The following DENND4C variants were observed in gnomAD, a reference collection of about 807,000 sequenced individuals.
The protein encoded by DENND4C is DENN domain-containing protein 4C.
Under a neutral mutation model 203.0 loss-of-function variants are expected in DENND4C, and 108 were observed. The observed-to-expected ratio is 0.53, with a 90% CI of 0.46 to 0.62. DENND4C has a LOEUF of 0.62. DENND4C is among the 20% of genes least tolerant of loss of function. The pLI, the probability that DENND4C is intolerant of heterozygous loss-of-function variation, is 0.00. For missense variants in DENND4C, 2,481 were observed against 2,301.2 expected (o/e 1.08, Z -1.60); for synonymous variants, 871 against 792.4 (o/e 1.10, Z -1.67).
rs112683111 is a variant in DENND4C at position 19,374,235 on chromosome 9, A to G, written c.*2062A>G. Among the ~76,000 whole-genome samples, 28 of 152,174 alleles carry G rather than the reference A, an allele frequency of 1.8e-4. No homozygotes were observed. Among genetic ancestry groups the G allele is most frequent in the African/African-American group, 6.0e-4 (25 of 41,494 alleles). On this transcript the variant is annotated 3_prime_UTR_variant, in exon 33 of 33. Coordinates refer to ENST00000434457, the MANE Select transcript of DENND4C (RefSeq NM_001330640.2). Reference sequence around the variant, plus strand: ...CTTGAACTCAAGTTTTCACTTACTGACGCGCTTCCCATTAAAAAAAATCTG... The same window carrying G: ...CTTGAACTCAAGTTTTCACTTACTGGCGCGCTTCCCATTAAAAAAAATCTG...
intron 1 of DENND4C, among the ~76,000 whole-genome samples, chr9:19,260,172 G>A (rs1056835469): frequency 2.6e-5 from 4 of 152,122 alleles, no homozygotes; most frequent in African/African-American, 9.7e-5. Flanking sequence ...GGTGTGAGAT[G>A]ATATCTCATT....
chr9:19,235,461 C>T (rs1821697041), intron 1 of DENND4C, among the ~76,000 whole-genome samples: 1 of 152,146 alleles, frequency 6.6e-6, no homozygotes, highest in South Asian at 2.1e-4. Context: ...TGTACATTAA[C>T]TTATGATATA....
At chr9:19,321,421 C>G (rs539899263) in intron 12 of DENND4C, among the ~76,000 whole-genome samples, 2 of 151,356 alleles carry the variant, frequency 1.3e-5, no homozygotes, top group South Asian at 4.2e-4. Context: ...TGGCCATGCC[C>G]TTTATAAGAA....
chr9:19,234,145 A>G (rs761136553), intron 1 of DENND4C, among the ~76,000 whole-genome samples: 3 of 152,240 alleles, frequency 2.0e-5, no homozygotes, highest in Non-Finnish European at 4.4e-5. Context: ...TAATAGTCCA[A>G]AGTTTTATTT....
intron 4 of DENND4C, among the ~76,000 whole-genome samples, chr9:19,289,169 A>ATG (rs2131138530): frequency 6.6e-6 from 1 of 152,348 alleles, no homozygotes; most frequent in Admixed American, 6.5e-5. Flanking sequence ...CTTTTCTGCC[A>ATG]TGAAGTGTTT....
At chr9:19,357,246 C>A in intron 27 of DENND4C, 92 bp downstream of exon 27, 2 of 1,262,298 alleles carry the variant, frequency 1.6e-6, no homozygotes, top group Non-Finnish European at 2.3e-6. Context: ...CTCATATAGG[C>A]ATAAGTTCTG....
At chr9:19,330,154 A>C (rs1164710648) in intron 16 of DENND4C, among the ~76,000 whole-genome samples, 1 of 152,116 alleles carries the variant, frequency 6.6e-6, no homozygotes, top group Non-Finnish European at 1.5e-5. Context: ...AAATTTCTAA[A>C]ACGAGAAAAT....
Position 19,276,404 on chromosome 9 carries a change from A to G in DENND4C, c.230A>G (p.Tyr77Cys), listed in dbSNP as rs1026000751. ...TCAGCTCTCCAAGCAAACTTGAACT[A>G]TGGAAGTCTGAAAAGCCCAGAACTT... ...TPSALQANLN[Y>C]GSLKSPELFL... Residue 77 changes from tyrosine (Y) to cysteine (C), a missense_variant, in exon 2 of 33, where the codon TAT (tyrosine) becomes TGT (cysteine). Physicochemically the swap from Tyr to Cys is radical, Grantham distance 194. Around this residue, in one of 3 missense-constraint regions of DENND4C, gnomAD observed 187 missense variants for 167.4 expected, o/e 1.12. Coordinates refer to ENST00000434457, the MANE Select transcript of DENND4C (RefSeq NM_001330640.2). The G allele has an allele frequency of 4.1e-5, 51 of 1,232,010 alleles. No individual in the cohort carries two copies. The highest frequency in any genetic ancestry group is 1.9e-4 in the East Asian group (6 of 31,710). 76.3% of individuals were successfully genotyped at this position (1,232,010 alleles called of 1,614,324 possible).
chr9:19,240,085 T>G (rs1438775325), intron 1 of DENND4C, among the ~76,000 whole-genome samples: 3 of 152,206 alleles, frequency 2.0e-5, no homozygotes, highest in Non-Finnish European at 4.4e-5. Context: ...TGCATGCACT[T>G]TGATACTCTC....
intron 1 of DENND4C, among the ~76,000 whole-genome samples, chr9:19,272,209 C>G (rs377737499): frequency 1.3e-5 from 2 of 151,460 alleles, no homozygotes; most frequent in African/African-American, 4.8e-5. Context: ...CACCTGAGGT[C>G]GAGAGTTTGA....
At chr9:19,324,586 T>C in intron 13 of DENND4C, 79 bp downstream of exon 13, 1 of 1,422,276 alleles carries the variant, frequency 7.0e-7, no homozygotes, top group Non-Finnish European at 9.7e-7. Context: ...ATTGTTAGTC[T>C]AGAGTGATAT....
rs201476537 is a variant in DENND4C, at chr9:19,316,876, G to C, written c.1807+37G>C. The C allele has an allele frequency of 1.2e-4, 181 of 1,520,650 alleles. 1 individual carries two copies. The African/African-American group carries it at 2.3e-3, about 20-fold the overall frequency. The allele number at this position is 1,520,650 out of a possible 1,614,324, so 94.2% of individuals were successfully genotyped here. On this transcript the variant is annotated intron_variant, in intron 12 of 32. Transcript: ENST00000434457. ...TGAAAGTACAATTCCTTTTATTGAG[G>C]TGAAAAATATTTTATATTTGATGTT...
rs959508584 is a variant in DENND4C at position 19,332,239 on chromosome 9, A to G, written c.2460+55A>G. On this transcript the variant is annotated intron_variant, in intron 17 of 32. Coordinates refer to ENST00000434457, the MANE Select transcript of DENND4C (RefSeq NM_001330640.2). ...AGGTAAATTTTATTTTTGTACTTCT[A>G]ATAAAATTTGGGTGTAAGTTGCTTT... 1.0e-5 allele frequency: 16 copies of G among 1,550,664 alleles called. No individual in the cohort carries two copies. In the African/African-American group the frequency reaches 1.1e-4, roughly 11 times the overall value.
intron 1 of DENND4C, among the ~76,000 whole-genome samples, chr9:19,267,447 G>A (rs1205474041): frequency 6.6e-6 from 1 of 152,006 alleles, no homozygotes; most frequent in African/African-American, 2.4e-5. Flanking sequence ...GTTTCCATTT[G>A]CCTGGAATAT....
intron 26 of DENND4C, among the ~76,000 whole-genome samples, chr9:19,352,982 T>A (rs941836435): frequency 2.0e-5 from 3 of 151,376 alleles, no homozygotes; most frequent in Non-Finnish European, 2.9e-5. Flanking sequence ...AAAGATTTTT[T>A]AAAATTAGCT....
At chr9:19,312,493 T>A (rs1840941032) in intron 10 of DENND4C, among the ~76,000 whole-genome samples, 1 of 152,222 alleles carries the variant, frequency 6.6e-6, no homozygotes, top group Admixed American at 6.5e-5. Context: ...AATAGTTGTA[T>A]TTACTTGTAT....
intron 1 of DENND4C, among the ~76,000 whole-genome samples, chr9:19,275,615 C>T (rs1588815346): frequency 1.3e-5 from 2 of 151,954 alleles, no homozygotes; most frequent in Admixed American, 6.6e-5. Context: ...GGATTATAGG[C>T]GCCCCCCACC....
At chr9:19,296,411 C>G (rs948591853) in intron 6 of DENND4C, among the ~76,000 whole-genome samples, 165 bp downstream of exon 6, 1 of 148,888 alleles carries the variant, frequency 6.7e-6, no homozygotes, top group Non-Finnish European at 1.5e-5. Context: ...GTCACCCAGG[C>G]TGGAGTGCAG....
Position 19,342,777 on chromosome 9 carries a change from C to G in DENND4C, c.3149C>G (p.Thr1050Ser). ...GATGTCAACAGCAGGAAAAGTAGCACTGGTGAGTCTTTACATTTTGGTTAT... is the reference window on the plus strand; with the variant it reads ...GATGTCAACAGCAGGAAAAGTAGCAGTGGTGAGTCTTTACATTTTGGTTAT... Reference protein sequence around the residue: ...IFDVNSRKSSTGSISNVLFST... With the variant: ...IFDVNSRKSSSGSISNVLFST... Residue 1050 changes from threonine to serine, a missense_variant and splice_region_variant, in exon 22 of 33, where the codon ACT (threonine) becomes AGT (serine). Physicochemically the swap from Thr to Ser is moderately conservative, Grantham distance 58. Transcript: ENST00000434457. 6.3e-7 allele frequency: 1 copy of G among 1,593,526 alleles called. No homozygotes were observed.
Sources: allele counts gnomAD v4.1 joint callset (sites outside exome capture counted in the v4.1 genomes callset), GRCh38; gene constraint gnomAD v4.1.1; regional missense constraint gnomAD v4.1.1; transcripts MANE v1.5; gene names NCBI Gene and HGNC (gene_info 2026-07-23, HGNC 2026-07-21).